The following FAM20B variants were observed in gnomAD, a reference collection of about 807,000 sequenced individuals.
FAM20B encodes FAM20B glycosaminoglycan xylosylkinase.
Under a neutral mutation model 43.8 loss-of-function variants are expected in FAM20B, and 23 were observed. The ratio of observed to expected loss-of-function variants is 0.53; its 90% CI spans 0.38 to 0.74. The LOEUF (loss-of-function observed/expected upper bound fraction) is 0.74. Ranked by LOEUF, FAM20B falls within the 30% of genes least tolerant of loss-of-function variation. The pLI, the probability that FAM20B is intolerant of heterozygous loss-of-function variation, is 0.00. For synonymous variants in FAM20B, 178 were observed against 192.4 expected (o/e 0.93, Z 0.62); for missense variants, 440 against 510.5 (o/e 0.86, Z 1.33).
intron 1 of FAM20B, among the ~76,000 whole-genome samples, chr1:179,027,190 A>G (rs1481944436): frequency 2.6e-5 from 4 of 152,206 alleles, no homozygotes; most frequent in African/African-American, 9.6e-5. Flanking sequence ...TTATAAATCT[A>G]TAATCTGGTA....
chr1:179,026,423 C>A (rs1033149105), intron 1 of FAM20B, among the ~76,000 whole-genome samples: 2 of 152,088 alleles, frequency 1.3e-5, no homozygotes, highest in East Asian at 1.9e-4. Flanking sequence ...CACCTGGGGC[C>A]GCCTCAGGCT....
chr1:179,035,467 A>AC, intron 1 of FAM20B: 1 of 703,926 alleles, frequency 1.4e-6, no homozygotes, highest in South Asian at 1.4e-5. Context: ...CTTGGGAAGC[A>AC]CATAGGCATT....
rs75596802 is a variant in FAM20B, at chr1:179,058,777, G to C, written c.574+4139G>C. 4.8e-3 allele frequency among the ~76,000 whole-genome samples: 729 copies of C among 152,296 alleles called. 9 individuals carry two copies. Among genetic ancestry groups the C allele is most frequent in the African/African-American group, 0.016 (675 of 41,558 alleles). On this transcript the variant is annotated intron_variant, in intron 4 of 7. Coordinates refer to ENST00000263733, the MANE Select transcript of FAM20B (RefSeq NM_014864.4). ...TGTTGTGAATTCATATGTAATAAGA[G>C]AACTAAAGCAGGGACAGGGAATAGA...
In FAM20B at chr1:179,050,327, T is replaced by G; in HGVS notation, c.426T>G (p.Asp142Glu). 2 of 1,614,040 alleles carry G rather than the reference T, an allele frequency of 1.2e-6. No homozygotes were observed. Among genetic ancestry groups the G allele is most frequent in the Non-Finnish European group, 1.7e-6 (2 of 1,179,886 alleles). ...VVEGEPYAGY[D>E]RHNAEVAAFH... ...AAGGGGAACCGTATGCTGGTTATGA[T>G]AGACACAATGCAGAGGTAGCAGCCT... Residue 142 changes from aspartate to glutamate, a missense_variant, in exon 3 of 8, where the codon GAT becomes GAG. Physicochemically the swap from Asp to Glu is conservative, Grantham distance 45 (BLOSUM62 2). Transcript: ENST00000263733.
chr1:179,039,853 G>C (rs1003329072), intron 1 of FAM20B, among the ~76,000 whole-genome samples: 2 of 152,024 alleles, frequency 1.3e-5, no homozygotes, highest in African/African-American at 4.8e-5. Context: ...AAAGGTCTCT[G>C]GTTTTCCTAG....
intron 1 of FAM20B, among the ~76,000 whole-genome samples, chr1:179,036,602 A>G (rs1466404275): frequency 6.6e-6 from 1 of 152,182 alleles, no homozygotes; most frequent in Non-Finnish European, 1.5e-5. Flanking sequence ...GGAAAAGTCC[A>G]GTTTGCACAA....
chr1:179,031,045 A>G (rs1410294851), intron 1 of FAM20B, among the ~76,000 whole-genome samples: 1 of 152,206 alleles, frequency 6.6e-6, no homozygotes, highest in Non-Finnish European at 1.5e-5. Context: ...TTGACGTACC[A>G]TAGAACATAA....
chr1:179,066,960 G>T, intron 7 of FAM20B, 101 bp downstream of exon 7: 1 of 808,966 alleles, frequency 1.2e-6, no homozygotes. Flanking sequence ...TCTGATACCT[G>T]AGCAGTGCTT....
Position 179,040,658 on chromosome 1 carries a change from C to T in FAM20B, c.-133-3057C>T, listed in dbSNP as rs567963627. Among the ~76,000 whole-genome samples the T allele has an allele frequency of 6.9e-4, 82 of 119,414 alleles. 2 individuals carry two copies. Among genetic ancestry groups the T allele is most frequent in the Non-Finnish European group, 1.2e-3 (72 of 59,402 alleles). 78.3% of individuals were successfully genotyped at this position (119,414 alleles called of 152,430 possible). A position where few individuals can be genotyped will look rare whatever the true frequency, so the allele number is the denominator to read the frequency against. On this transcript the variant is annotated intron_variant, in intron 1 of 7. Coordinates refer to ENST00000263733, the MANE Select transcript of FAM20B (RefSeq NM_014864.4). ...CTCCCGGACGGGGCGGCTGGCCGGG[C>T]GCTGATCCCCCCACCTCCCTCCCGG...
Position 179,072,198 on chromosome 1 carries a change from A to T in FAM20B, c.*54A>T. The stretch of plus-strand genomic sequence containing the variant: ...TTTTACAAAGATAGAGAAACAGCAC[A>T]ATCAATTCCAAATGGTATGAGATGG... On this transcript the variant is annotated 3_prime_UTR_variant, in exon 8 of 8. Coordinates refer to ENST00000263733, the MANE Select transcript of FAM20B (RefSeq NM_014864.4). The T allele has an allele frequency of 7.3e-7, 1 of 1,369,424 alleles. No individual in the cohort carries two copies. Among genetic ancestry groups the T allele is most frequent in the Non-Finnish European group, 1.0e-6 (1 of 981,434 alleles). The allele number at this position is 1,369,424 out of a possible 1,614,324, so 84.8% of individuals were successfully genotyped here. A position where few individuals can be genotyped will look rare whatever the true frequency, so the allele number is the denominator to read the frequency against.
At chr1:179,030,437 CT>C (rs1649960669) in intron 1 of FAM20B, among the ~76,000 whole-genome samples, 3 of 152,298 alleles carry the variant, frequency 2.0e-5, no homozygotes, top group Admixed American at 6.5e-5. Context: ...AGACAACCTC[CT>C]TTCTTCCTTT....
rs1305245215 is a variant in FAM20B, at chr1:179,066,793, T to C, written c.939-7T>C. On this transcript the variant is annotated splice_polypyrimidine_tract_variant and splice_region_variant and intron_variant, in intron 6 of 7. Coordinates refer to ENST00000263733, the MANE Select transcript of FAM20B (RefSeq NM_014864.4). ...CCTAATTCACTAAGTTTTAATTTAATTTTCAGCTTTGGGAACCCCTCGCTG... is the reference window on the plus strand; with the variant it reads ...CCTAATTCACTAAGTTTTAATTTAACTTTCAGCTTTGGGAACCCCTCGCTG... The C allele has an allele frequency of 6.2e-7, 1 of 1,605,622 alleles. No individual in the cohort carries two copies.
chr1:179,062,840 C>G lies in FAM20B; in HGVS notation c.575-1087C>G, dbSNP rs181309332. On this transcript the variant is annotated intron_variant, in intron 4 of 7. Transcript: ENST00000263733. ...GTCTACTTATTTGCTCAACTTCCCCCCTTCCTCTATACCTACCCCTCTATG... is the reference window on the plus strand; with the variant it reads ...GTCTACTTATTTGCTCAACTTCCCCGCTTCCTCTATACCTACCCCTCTATG... Among the ~76,000 whole-genome samples the G allele has an allele frequency of 1.8e-4, 28 of 152,280 alleles. 1 individual carries two copies. The highest frequency in any genetic ancestry group is 7.8e-4 in the Admixed American group (12 of 15,298).
At chr1:179,058,812 G>A (rs949973061) in intron 4 of FAM20B, among the ~76,000 whole-genome samples, 1 of 152,130 alleles carries the variant, frequency 6.6e-6, no homozygotes, top group Non-Finnish European at 1.5e-5. Context: ...AAAGATTTAA[G>A]GGCTATTCAA....
At chr1:179,033,451 G>T (rs1280203217) in intron 1 of FAM20B, among the ~76,000 whole-genome samples, 2 of 152,122 alleles carry the variant, frequency 1.3e-5, no homozygotes, top group Non-Finnish European at 2.9e-5. Flanking sequence ...TTACAAATAT[G>T]ACCTAACAAT....
At chr1:179,064,223 G>A in intron 5 of FAM20B, 82 bp from the exon 6 acceptor site, 1 of 1,428,476 alleles carries the variant, frequency 7.0e-7, no homozygotes. Flanking sequence ...AAACCGGTAG[G>A]TAGGAACTCT....
chr1:179,020,947 T>C (rs1649594222), upstream of FAM20B, among the ~76,000 whole-genome samples: 1 of 152,214 alleles, frequency 6.6e-6, no homozygotes, highest in Non-Finnish European at 1.5e-5. Context: ...GGCGCACGCC[T>C]GTAGTCACAG....
intron 1 of FAM20B, among the ~76,000 whole-genome samples, chr1:179,031,334 C>T (rs1195962480): frequency 1.3e-5 from 2 of 152,150 alleles, no homozygotes; most frequent in Non-Finnish European, 2.9e-5. Flanking sequence ...CTCATTTCCA[C>T]GTAGTGTCAA....
chr1:179,062,979 A>C (rs1213178280), intron 4 of FAM20B, among the ~76,000 whole-genome samples: 2 of 151,978 alleles, frequency 1.3e-5, no homozygotes. Flanking sequence ...ACTTTCCTTT[A>C]ATTAAAGTGA....
Sources: allele counts gnomAD v4.1 joint callset (sites outside exome capture counted in the v4.1 genomes callset), GRCh38; gene constraint gnomAD v4.1.1; transcripts MANE v1.5; gene names NCBI Gene and HGNC (gene_info 2026-07-23, HGNC 2026-07-21).